BOLL: variants seen among roughly 807,000 people sequenced by gnomAD.
BOLL encodes the protein boule RNA binding protein.
Under a neutral mutation model 44.4 loss-of-function variants are expected in BOLL, and 23 were observed. The ratio of observed to expected loss-of-function variants is 0.52; its 90% confidence interval spans 0.37 to 0.73. The LOEUF (loss-of-function observed/expected upper bound fraction) is 0.73, where lower values mean the gene tolerates loss of function less well. Among genes scored for constraint, BOLL ranks in the 30% least tolerant of loss-of-function variants. The probability of loss-of-function intolerance (pLI) is 0.00; values close to 1 mark genes in which losing one functional copy is unlikely to be tolerated. For synonymous variants in BOLL, 97 were observed against 110.8 expected (o/e 0.88, Z 0.78); for missense variants, 287 against 338.3 (o/e 0.85, Z 1.19).
intron 10 of BOLL, among the ~76,000 whole-genome samples, chr2:197,740,708 A>C (rs1489963940): frequency 6.6e-6 from 1 of 152,204 alleles, no homozygotes; most frequent in Non-Finnish European, 1.5e-5. Flanking sequence ...AAAGTAAATT[A>C]GAGGTTACCA....
rs1337388259 is a variant in BOLL at position 197,727,089 on chromosome 2, C to T, written c.*1466G>A. The T allele has an allele frequency of 1.3e-5, 2 of 152,450 alleles. No homozygotes were observed. Among genetic ancestry groups the T allele is most frequent in the Admixed American group, 1.3e-4 (2 of 15,286 alleles). The allele number at this position is 152,450 out of a possible 1,614,324, so 9.4% of individuals were successfully genotyped here. Reference sequence around the variant, plus strand: ...TTCATTGTGGGACTTAATCTATTTACATTCCTAAAACTGAGAATAATTAAT... The same window carrying T: ...TTCATTGTGGGACTTAATCTATTTATATTCCTAAAACTGAGAATAATTAAT... On this transcript the variant is annotated 3_prime_UTR_variant, in exon 11 of 11. Coordinates refer to ENST00000392296, the MANE Select transcript of BOLL (RefSeq NM_033030.6).
chr2:197,744,824 G>C (rs1006380947), intron 9 of BOLL, among the ~76,000 whole-genome samples: 2 of 152,108 alleles, frequency 1.3e-5, no homozygotes, highest in Non-Finnish European at 1.5e-5. Flanking sequence ...GACCATGAAG[G>C]GTTAAGCAAT....
intron 10 of BOLL, among the ~76,000 whole-genome samples, chr2:197,741,465 T>C (rs1361093234): frequency 6.6e-6 from 1 of 152,040 alleles, no homozygotes; most frequent in Non-Finnish European, 1.5e-5. Flanking sequence ...AAAACAGAGA[T>C]AGAGACCAAT....
intron 7 of BOLL, among the ~76,000 whole-genome samples, chr2:197,761,570 TG>T (rs1688759550): frequency 6.6e-6 from 1 of 151,300 alleles, no homozygotes; most frequent in Non-Finnish European, 1.5e-5. Flanking sequence ...AACCAGAAAA[TG>T]ATAAATAAAA....
intron 10 of BOLL, among the ~76,000 whole-genome samples, chr2:197,739,799 A>G (rs975144227): frequency 6.6e-5 from 10 of 152,170 alleles, no homozygotes; most frequent in Non-Finnish European, 1.2e-4. Context: ...AATTTCTCCT[A>G]TCCAAATACC....
Position 197,766,548 on chromosome 2 carries a change from G to T in BOLL, c.536C>A (p.Pro179His). The change falls in exon 7 of 11, where the codon CCT becomes CAT. Residue 179 changes from proline to histidine, a missense_variant. Transcript: ENST00000392296. ...TATGTTTACCTGGTAGTGATATGCA[G>T]GTTGCTGATAAATGGGCTGAGCTAC... ...VMVAQPIYQQ[P>H]AYHYQATTQY... 6.2e-7 allele frequency: 1 copy of T among 1,611,300 alleles called. No homozygotes were observed. Among genetic ancestry groups the T allele is most frequent in the Non-Finnish European group, 8.5e-7 (1 of 1,177,870 alleles).
chr2:197,729,381 C>G (rs897601905), intron 10 of BOLL, among the ~76,000 whole-genome samples: 1 of 152,178 alleles, frequency 6.6e-6, no homozygotes, highest in East Asian at 1.9e-4. Flanking sequence ...GGCAGCGAGG[C>G]TGGGGGAGGG....
At chr2:197,759,766 C>T (rs1449586971) in intron 7 of BOLL, among the ~76,000 whole-genome samples, 3 of 152,220 alleles carry the variant, frequency 2.0e-5, no homozygotes, top group Admixed American at 6.5e-5. Flanking sequence ...GCTGCACTCT[C>T]CTGAGCAGGA....
rs1264884249 is a variant in BOLL, at chr2:197,743,172, AAGAG to A, written c.730-17_730-14del. The A allele has an allele frequency of 6.5e-7, 1 of 1,547,292 alleles. No individual in the cohort carries two copies. Among genetic ancestry groups the A allele is most frequent in the Non-Finnish European group, 8.8e-7 (1 of 1,142,218 alleles). ...GATCAGAATAAGGCTATTACAAAAA[AAGAG>A]AGAAAAAATGTCACCTTTCATCTAT... On this transcript the variant is annotated splice_polypyrimidine_tract_variant and intron_variant, in intron 9 of 10. Transcript: ENST00000392296.
intron 5 of BOLL, among the ~76,000 whole-genome samples, chr2:197,772,302 C>T (rs1689303235): frequency 6.6e-6 from 1 of 152,000 alleles, no homozygotes; most frequent in African/African-American, 2.4e-5. Context: ...AGACTATCAT[C>T]AGCGAAGTAA....
At chr2:197,732,747 A>T (rs935557851) in intron 10 of BOLL, among the ~76,000 whole-genome samples, 2 of 146,894 alleles carry the variant, frequency 1.4e-5, no homozygotes, top group African/African-American at 5.0e-5. Flanking sequence ...AAAGCCTTTG[A>T]CAAAATTCAA....
rs779400679 is a variant in BOLL at position 197,771,960 on chromosome 2, A to G, written c.375T>C (p.Ala125=). 27 of 1,586,442 alleles carry G rather than the reference A, an allele frequency of 1.7e-5. No homozygotes were observed. The highest frequency in any genetic ancestry group is 2.2e-5 in the Non-Finnish European group (26 of 1,160,948). Residue 125 remains alanine (A), a synonymous_variant, in exon 6 of 11, where the codon GCT becomes GCC. Coordinates refer to ENST00000392296, the MANE Select transcript of BOLL (RefSeq NM_033030.6). Reference sequence around the variant, plus strand: ...TTGAAGTTGTTAGATACATTGTTCCAGCTGCTGGCATTATACTAGAACCTA... The same window carrying G: ...TTGAAGTTGTTAGATACATTGTTCCGGCTGCTGGCATTATACTAGAACCTA... ...GIPRSSIMPA[A]GTMYLTTSTG...
chr2:197,754,701 A>G (rs192657578), intron 9 of BOLL, among the ~76,000 whole-genome samples: 129 of 152,086 alleles, frequency 8.5e-4, no homozygotes, highest in African/African-American at 3.0e-3. Context: ...GCGATGGAGC[A>G]AGACTCCGTC....
At chr2:197,732,641 C>G (rs1211703368) in intron 10 of BOLL, among the ~76,000 whole-genome samples, 1 of 150,414 alleles carries the variant, frequency 6.6e-6, no homozygotes, top group East Asian at 1.9e-4. Context: ...CCCTGGGATG[C>G]AAGACTGGTT....
Position 197,775,665 on chromosome 2 carries a change from G to A in BOLL, c.352C>T (p.Arg118Cys). The A allele has an allele frequency of 6.5e-7, 1 of 1,546,938 alleles. No homozygotes were observed. Among genetic ancestry groups the A allele is most frequent in the Non-Finnish European group, 8.8e-7 (1 of 1,139,598 alleles). ...AAATACATTAGTTCTCAATACATACGAGGGATCCCTACTTGTTGTTTTCTT... is the reference window on the plus strand; with the variant it reads ...AAATACATTAGTTCTCAATACATACAAGGGATCCCTACTTGTTGTTTTCTT... ...AIRKQQVGIP[R>C]SSIMPAAGTM... The change falls in exon 5 of 11, where the codon CGT becomes TGT. Residue 118 changes from arginine to cysteine, a missense_variant and splice_region_variant. Transcript: ENST00000392296.
intron 1 of BOLL, among the ~76,000 whole-genome samples, chr2:197,784,026 G>A (rs775036155): frequency 8.6e-5 from 13 of 152,038 alleles, no homozygotes; most frequent in Non-Finnish European, 1.3e-4. Context: ...TTCCAATCTC[G>A]AGAAACTAAA....
intron 10 of BOLL, among the ~76,000 whole-genome samples, chr2:197,737,506 C>G (rs1303624179): frequency 6.6e-6 from 1 of 152,044 alleles, no homozygotes. Context: ...TATTGTTTGA[C>G]TATATATAGC....
intron 6 of BOLL, among the ~76,000 whole-genome samples, chr2:197,768,009 C>A (rs943877384): frequency 6.6e-6 from 1 of 151,924 alleles, no homozygotes; most frequent in Admixed American, 6.6e-5. Flanking sequence ...TACACTGAAT[C>A]ATAAATAATT....
At chr2:197,775,813 G>T in intron 4 of BOLL, 73 bp from the exon 5 acceptor site, 1 of 899,002 alleles carries the variant, frequency 1.1e-6, no homozygotes, top group Non-Finnish European at 1.6e-6. Context: ...GGAAAAACTA[G>T]TTAGAAAGAA....
Sources: allele counts gnomAD v4.1 joint callset (sites outside exome capture counted in the v4.1 genomes callset), GRCh38; gene constraint gnomAD v4.1.1; transcripts MANE v1.5; gene names NCBI Gene and HGNC (gene_info 2026-07-23, HGNC 2026-07-21).